CTNNA2: variants seen among roughly 807,000 people sequenced by gnomAD.
The protein encoded by CTNNA2 is catenin alpha-2.
A neutral mutation model predicts 101.0 loss-of-function variants in CTNNA2; 42 were observed. That is an observed-to-expected ratio of 0.42 (90% confidence interval 0.32 to 0.54). CTNNA2 has a LOEUF of 0.54. Ranked by LOEUF, CTNNA2 falls within the 20% of genes least tolerant of loss-of-function variation. The pLI, the probability that CTNNA2 is intolerant of heterozygous loss-of-function variation, is 0.14. For synonymous variants in CTNNA2, 450 were observed against 456.4 expected (o/e 0.99, Z 0.18); for missense variants, 871 against 1,223.1 (o/e 0.71, Z 4.29).
chr2:80,221,043 G>A (rs1433896332), intron 7 of CTNNA2, among the ~76,000 whole-genome samples: 11 of 152,012 alleles, frequency 7.2e-5, no homozygotes, highest in Admixed American at 4.6e-4. Flanking sequence ...CAAGCATGCC[G>A]GGCTAATTTT....
intron 9 of CTNNA2, among the ~76,000 whole-genome samples, chr2:80,524,608 C>G (rs1034955209): frequency 6.6e-6 from 1 of 152,174 alleles, no homozygotes; most frequent in African/African-American, 2.4e-5. Context: ...ATACCCCAGT[C>G]TCTTTGGCCA....
intron 7 of CTNNA2, among the ~76,000 whole-genome samples, chr2:80,055,010 T>C (rs531492143): frequency 6.6e-6 from 1 of 152,156 alleles, no homozygotes. Flanking sequence ...CCCTGATTTT[T>C]GGTACTTTTG....
chr2:79,535,371 A>T, intron 1 of CTNNA2, among the ~76,000 whole-genome samples: 1 of 151,480 alleles, frequency 6.6e-6, no homozygotes, highest in African/African-American at 2.4e-5. Flanking sequence ...CGCCCAGCTA[A>T]TTTTTTGTAT....
intron 7 of CTNNA2, among the ~76,000 whole-genome samples, chr2:79,986,179 G>A (rs1375350528): frequency 1.3e-5 from 2 of 152,178 alleles, no homozygotes; most frequent in Non-Finnish European, 2.9e-5. Flanking sequence ...TTCAGCAAAT[G>A]CCAATAGCAG....
At chr2:79,651,680 C>G (rs1449043347) in intron 2 of CTNNA2, 22 bp downstream of exon 2, 15 of 1,585,302 alleles carry the variant, frequency 9.5e-6, no homozygotes, top group Non-Finnish European at 1.3e-5. Context: ...TTTGAAACCA[C>G]TTTGTTATAT....
chr2:79,714,763 T>G (rs115516386), intron 2 of CTNNA2, among the ~76,000 whole-genome samples: 2,885 of 152,310 alleles, frequency 0.019, 34 homozygotes, highest in Non-Finnish European at 0.027. Flanking sequence ...AGAAACTCCT[T>G]GAATTCTTTA....
intron 7 of CTNNA2, 52 bp from the exon 8 acceptor site, chr2:80,393,159 G>T: frequency 2.2e-6 from 3 of 1,338,272 alleles, no homozygotes; most frequent in East Asian, 2.5e-5. Flanking sequence ...AATTTTTAAT[G>T]TCTCTAACAT....
intron 4 of CTNNA2, among the ~76,000 whole-genome samples, chr2:79,489,482 A>G (rs1671188975): frequency 6.6e-6 from 1 of 152,220 alleles, no homozygotes; most frequent in Non-Finnish European, 1.5e-5. Context: ...CTCAATTATT[A>G]TGATCTAGGC....
intron 3 of CTNNA2, among the ~76,000 whole-genome samples, chr2:79,759,328 G>A (rs980025245): frequency 2.0e-5 from 3 of 152,110 alleles, no homozygotes; most frequent in South Asian, 2.1e-4. Flanking sequence ...GGGAGGCGGA[G>A]GTTGCAGTGA....
At chr2:80,071,437 C>A (rs962038876) in intron 7 of CTNNA2, among the ~76,000 whole-genome samples, 1 of 152,168 alleles carries the variant, frequency 6.6e-6, no homozygotes, top group African/African-American at 2.4e-5. Flanking sequence ...CAGAAATTGC[C>A]ATCTCACATG....
chr2:79,324,505 C>G lies in CTNNA2; in HGVS notation c.-318+11709C>G, dbSNP rs150208176. Reference sequence around the variant, plus strand: ...GAAGGGAATTTGACTAATCTTTAGCCAGTACTTCAAAACAGGCTAGTAAGT... The same window carrying G: ...GAAGGGAATTTGACTAATCTTTAGCGAGTACTTCAAAACAGGCTAGTAAGT... On this transcript the variant is annotated intron_variant, in intron 3 of 21. Transcript: ENST00000466387. Among the ~76,000 whole-genome samples the G allele has an allele frequency of 2.1e-3, 326 of 152,152 alleles. 3 individuals are homozygous for G. The highest frequency in any genetic ancestry group is 6.8e-3 in the African/African-American group (283 of 41,518).
chr2:79,923,916 A>G (rs532973945), intron 7 of CTNNA2, among the ~76,000 whole-genome samples: 1 of 152,288 alleles, frequency 6.6e-6, no homozygotes, highest in East Asian at 1.9e-4. Context: ...AGTTCTACAA[A>G]AAACTAAAAA....
intron 9 of CTNNA2, among the ~76,000 whole-genome samples, chr2:80,470,485 C>T (rs1685211106): frequency 6.6e-6 from 1 of 152,102 alleles, no homozygotes; most frequent in South Asian, 2.1e-4. Flanking sequence ...CCAAAAATGT[C>T]ATGAGTAAGC....
intron 7 of CTNNA2, among the ~76,000 whole-genome samples, chr2:80,060,358 G>A (rs897912916): frequency 7.2e-5 from 11 of 152,200 alleles, no homozygotes; most frequent in Admixed American, 3.9e-4. Context: ...GGTGGCAGCG[G>A]TTCTGGCGGC....
intron 9 of CTNNA2, among the ~76,000 whole-genome samples, chr2:80,538,798 C>T (rs1434584880): frequency 6.6e-6 from 1 of 152,098 alleles, no homozygotes; most frequent in Non-Finnish European, 1.5e-5. Context: ...AGCATTGAAT[C>T]TATAAGTTAC....
intron 7 of CTNNA2, among the ~76,000 whole-genome samples, chr2:80,054,652 A>G (rs1057303380): frequency 1.4e-4 from 22 of 152,142 alleles, no homozygotes; most frequent in Non-Finnish European, 4.4e-5. Flanking sequence ...TAATATCGCA[A>G]GGAGATGTGG....
chr2:80,415,078 A>T (rs914859814), intron 8 of CTNNA2, among the ~76,000 whole-genome samples: 2 of 152,208 alleles, frequency 1.3e-5, no homozygotes, highest in African/African-American at 2.4e-5. Flanking sequence ...CAGGCCAACT[A>T]CGTAGCTAAT....
chr2:80,162,404 G>A (rs1416768269), intron 7 of CTNNA2: 1 of 1,484,936 alleles, frequency 6.7e-7, no homozygotes, highest in Non-Finnish European at 9.0e-7. Flanking sequence ...CTTAGTCAAA[G>A]GGCCTAAAAT....
intron 2 of CTNNA2, among the ~76,000 whole-genome samples, chr2:79,214,896 C>A (rs12474497): frequency 0.58 from 88,341 of 151,380 alleles, 27,068 homozygotes; most frequent in East Asian, 0.89. Context: ...GCCTGGCCGT[C>A]AATACCCACA....
Sources: gnomAD v4.1 joint callset for allele counts (sites outside exome capture counted in the v4.1 genomes callset) on GRCh38, gnomAD v4.1.1 for gene constraint, MANE v1.5 for transcripts, NCBI Gene and HGNC (gene_info 2026-07-23, HGNC 2026-07-21) for gene names.